Variants in TBCK observed in about 807,000 individuals in gnomAD.
TBCK encodes TBC1 domain containing kinase.
In TBCK, 99 loss-of-function variants were observed where a neutral mutation model predicts 113.4. The ratio of observed to expected loss-of-function variants is 0.87; its 90% CI spans 0.74 to 1.03. The LOEUF is 1.03. TBCK is among the 50% of genes least tolerant of loss of function. The pLI, the probability that TBCK is intolerant of heterozygous loss-of-function variation, is 0.00. For synonymous variants in TBCK, 369 were observed against 370.8 expected (o/e 1.00, Z 0.05); for missense variants, 1,045 against 1,061.3 (o/e 0.98, Z 0.21).
At chr4:106,312,203 T>C (rs574332550) in intron 1 of TBCK, among the ~76,000 whole-genome samples, 1 of 152,264 alleles carries the variant, frequency 6.6e-6, no homozygotes, top group East Asian at 1.9e-4. Flanking sequence ...TATATGACCT[T>C]TTAAAATCAA....
chr4:106,130,962 T>C (rs1251075954), intron 23 of TBCK, among the ~76,000 whole-genome samples: 1 of 152,150 alleles, frequency 6.6e-6, no homozygotes, highest in East Asian at 1.9e-4. Context: ...TAATAAATAT[T>C]ATCTTTAAAT....
intron 1 of TBCK, 30 bp downstream of exon 1, chr4:106,315,901 C>G (rs193127149): frequency 6.5e-6 from 1 of 153,148 alleles, no homozygotes; most frequent in African/African-American, 2.4e-5. Context: ...CCCACTACGA[C>G]ACGGAAAACT....
rs1033182336 is a variant in TBCK, at chr4:106,277,585, C to A, written c.267-15373G>T. 3.3e-5 allele frequency among the ~76,000 whole-genome samples: 5 copies of A among 152,090 alleles called. 1 individual carries two copies. The highest frequency in any genetic ancestry group is 2.0e-4 in the Admixed American group (3 of 15,264). Reference sequence around the variant, plus strand: ...ATGCTGAATGAAGGAAGAAGTCTTACACAAAACAGTATATACTGAATGACT... The same window carrying A: ...ATGCTGAATGAAGGAAGAAGTCTTAAACAAAACAGTATATACTGAATGACT... On this transcript the variant is annotated intron_variant, in intron 3 of 25. Coordinates refer to ENST00000394708, the MANE Select transcript of TBCK (RefSeq NM_001163435.3).
chr4:106,069,082 C>T (rs569653760), intron 25 of TBCK, among the ~76,000 whole-genome samples: 3 of 152,256 alleles, frequency 2.0e-5, no homozygotes, highest in Non-Finnish European at 4.4e-5. Flanking sequence ...AATTTTCTCC[C>T]ATTCTATAGG....
chr4:106,145,135 T>C (rs1334393405), intron 23 of TBCK, among the ~76,000 whole-genome samples: 1 of 151,454 alleles, frequency 6.6e-6, no homozygotes, highest in Non-Finnish European at 1.5e-5. Flanking sequence ...CTGGCCAACA[T>C]GGTGAAACCT....
intron 24 of TBCK, among the ~76,000 whole-genome samples, chr4:106,112,746 G>T (rs1375946072): frequency 6.6e-6 from 1 of 152,066 alleles, no homozygotes; most frequent in African/African-American, 2.4e-5. Flanking sequence ...ACAGCTCACT[G>T]CCTGGCCCAC....
intron 23 of TBCK, among the ~76,000 whole-genome samples, chr4:106,134,537 G>A (rs571766172): frequency 1.4e-4 from 21 of 152,306 alleles, no homozygotes; most frequent in African/African-American, 4.6e-4. Flanking sequence ...TTTATAAGGA[G>A]ATAGGTTTGG....
chr4:106,209,001 C>G (rs1755838638), intron 20 of TBCK, among the ~76,000 whole-genome samples: 1 of 152,182 alleles, frequency 6.6e-6, no homozygotes, highest in Non-Finnish European at 1.5e-5. Flanking sequence ...CACAGCCTGC[C>G]TGGCCAGGTG....
At chr4:106,298,336 G>A (rs1337008913) in intron 2 of TBCK, among the ~76,000 whole-genome samples, 2 of 152,020 alleles carry the variant, frequency 1.3e-5, no homozygotes, top group East Asian at 1.9e-4. Flanking sequence ...AGACGTGGCC[G>A]GGCACGGTAG....
chr4:106,093,691 G>C (rs1287052603), intron 25 of TBCK, among the ~76,000 whole-genome samples: 1 of 152,130 alleles, frequency 6.6e-6, no homozygotes, highest in Non-Finnish European at 1.5e-5. Context: ...TGGAGGGTGG[G>C]AGGAGGAAGA....
At chr4:106,290,947 G>A (rs576344952) in intron 3 of TBCK, among the ~76,000 whole-genome samples, 22 of 152,292 alleles carry the variant, frequency 1.4e-4, no homozygotes, top group African/African-American at 4.3e-4. Context: ...TGATGCTAGC[G>A]CTGGGGAGTG....
chr4:106,267,577 G>C (rs1763104956), intron 3 of TBCK, among the ~76,000 whole-genome samples: 1 of 151,842 alleles, frequency 6.6e-6, no homozygotes, highest in Non-Finnish European at 1.5e-5. Context: ...ACATTGGTGA[G>C]ACCAAAAGAG....
In TBCK at chr4:106,230,409, T is replaced by C; in HGVS notation, c.1728A>G (p.Lys576=). ...CTTTTAAGAAGAAGTTATACAGGTA[T>C]TTGGGAATAAAAGCAGACATACATG... ...AYACMSAFIP[K]YLYNFFLKDN... The change falls in exon 19 of 26, where the codon AAA becomes AAG. Residue 576 remains lysine, a synonymous_variant. Transcript: ENST00000394708. The C allele has an allele frequency of 1.2e-6, 2 of 1,603,426 alleles. No homozygotes were observed. Among genetic ancestry groups the C allele is most frequent in the East Asian group, 2.2e-5 (1 of 44,622 alleles).
chr4:106,292,051 T>C (rs1018753252), intron 3 of TBCK, among the ~76,000 whole-genome samples: 2 of 152,214 alleles, frequency 1.3e-5, no homozygotes, highest in African/African-American at 4.8e-5. Context: ...CTTTGAATGA[T>C]TAAATATCAG....
chr4:106,261,017 T>C (rs1762454720), intron 4 of TBCK, among the ~76,000 whole-genome samples: 1 of 152,070 alleles, frequency 6.6e-6, no homozygotes, highest in African/African-American at 2.4e-5. Context: ...AATAACTTTT[T>C]ATATTGTTTG....
In TBCK at chr4:106,044,814, C is replaced by G. The variant is rs1025662752; in HGVS notation, c.*1756G>C. The G allele has an allele frequency of 2.4e-4, 36 of 152,002 alleles. No individual in the cohort carries two copies. The highest frequency in any genetic ancestry group is 1.8e-3 in the Admixed American group (28 of 15,266). The allele number at this position is 152,002 out of a possible 1,614,324, so 9.4% of individuals were successfully genotyped here. On this transcript the variant is annotated 3_prime_UTR_variant, in exon 26 of 26. Transcript: ENST00000394708. ...TATATCTCAATTTAAAAAGTAGATG[C>G]AAAGAAAAAATAAAATAAAGTAAAC...
At chr4:106,047,539 T>C (rs1220193287) in intron 25 of TBCK, among the ~76,000 whole-genome samples, 1 of 152,184 alleles carries the variant, frequency 6.6e-6, no homozygotes, top group East Asian at 1.9e-4. Flanking sequence ...CTTCTATTCA[T>C]TTTCCTGCTC....
chr4:106,229,690 T>C (rs1165690417), intron 19 of TBCK, among the ~76,000 whole-genome samples: 1 of 152,082 alleles, frequency 6.6e-6, no homozygotes, highest in African/African-American at 2.4e-5. Context: ...CCTCCAGTTT[T>C]GTTCTTTTTG....
intron 3 of TBCK, among the ~76,000 whole-genome samples, chr4:106,273,290 G>A (rs1159992119): frequency 6.6e-6 from 1 of 152,086 alleles, no homozygotes. Flanking sequence ...AATCATATGA[G>A]ATATATGCCT....
Sources: gnomAD v4.1 joint callset for allele counts (sites outside exome capture counted in the v4.1 genomes callset) on GRCh38, gnomAD v4.1.1 for gene constraint, MANE v1.5 for transcripts, NCBI Gene and HGNC (gene_info 2026-07-23, HGNC 2026-07-21) for gene names.